CACNA2D3: variants seen among roughly 807,000 people sequenced by gnomAD.
CACNA2D3 encodes voltage-dependent calcium channel subunit alpha-2/delta-3.
In CACNA2D3, 60 loss-of-function variants were observed where a neutral mutation model predicts 160.6. The ratio of observed to expected loss-of-function variants is 0.37; its 90% confidence interval spans 0.30 to 0.46. The LOEUF (loss-of-function observed/expected upper bound fraction) is 0.46. Among genes scored for constraint, CACNA2D3 ranks in the 20% least tolerant of loss-of-function variants. CACNA2D3 has a pLI of 1.00. For synonymous variants in CACNA2D3, 558 were observed against 492.9 expected (o/e 1.13, Z -1.75); for missense variants, 1,205 against 1,365.0 (o/e 0.88, Z 1.85).
intron 5 of CACNA2D3, among the ~76,000 whole-genome samples, chr3:54,552,396 G>C (rs746948886): frequency 6.6e-6 from 1 of 152,204 alleles, no homozygotes; most frequent in African/African-American, 2.4e-5. Flanking sequence ...TCTGAGCCAC[G>C]TGTTACCCTG....
At chr3:54,588,056 T>TATTC (rs897579795) in intron 9 of CACNA2D3, among the ~76,000 whole-genome samples, 2 of 152,162 alleles carry the variant, frequency 1.3e-5, no homozygotes, top group African/African-American at 4.8e-5. Context: ...CATGCAAGAA[T>TATTC]CCTCAACAAA....
intron 27 of CACNA2D3, among the ~76,000 whole-genome samples, chr3:54,962,524 G>C (rs761371512): frequency 6.6e-6 from 1 of 152,160 alleles, no homozygotes; most frequent in African/African-American, 2.4e-5. Context: ...TTTAATACCC[G>C]TGATTTTATT....
intron 11 of CACNA2D3, among the ~76,000 whole-genome samples, chr3:54,737,433 C>A (rs183681243): frequency 2.0e-5 from 3 of 152,156 alleles, no homozygotes; most frequent in Admixed American, 2.0e-4. Flanking sequence ...TAGTGCAGAG[C>A]AGGCAGGTGG....
At chr3:54,691,029 T>G (rs1335575753) in intron 11 of CACNA2D3, among the ~76,000 whole-genome samples, 5 of 152,136 alleles carry the variant, frequency 3.3e-5, no homozygotes, top group African/African-American at 7.2e-5. Flanking sequence ...TTTCTCTGAT[T>G]GTGTGTGCGT....
At chr3:54,486,972 C>T (rs535421271) in intron 4 of CACNA2D3, among the ~76,000 whole-genome samples, 3 of 152,304 alleles carry the variant, frequency 2.0e-5, no homozygotes, top group South Asian at 2.1e-4. Context: ...AGATGAGTGA[C>T]GCACTTCCAT....
intron 2 of CACNA2D3, among the ~76,000 whole-genome samples, chr3:54,248,423 A>G (rs62253164): frequency 4.0e-5 from 6 of 150,708 alleles, no homozygotes. Context: ...GGAGGTTGCA[A>G]TGAGCTGAGA....
intron 9 of CACNA2D3, among the ~76,000 whole-genome samples, chr3:54,613,430 G>C (rs1698784694): frequency 6.6e-6 from 1 of 152,126 alleles, no homozygotes; most frequent in Non-Finnish European, 1.5e-5. Flanking sequence ...TCCATTTCTT[G>C]TGAATTACAG....
intron 14 of CACNA2D3, among the ~76,000 whole-genome samples, chr3:54,832,218 G>C (rs369644765): frequency 5.9e-5 from 9 of 152,166 alleles, no homozygotes; most frequent in African/African-American, 1.9e-4. Flanking sequence ...ATCTCAGGTA[G>C]CCTAGCCTGA....
chr3:54,684,219 C>T (rs1039444088), intron 11 of CACNA2D3, among the ~76,000 whole-genome samples: 5 of 152,084 alleles, frequency 3.3e-5, no homozygotes, highest in African/African-American at 1.2e-4. Flanking sequence ...CTTGGCCTCC[C>T]AAAGTGCTGG....
At chr3:54,716,502 A>G (rs1701052466) in intron 11 of CACNA2D3, among the ~76,000 whole-genome samples, 1 of 152,242 alleles carries the variant, frequency 6.6e-6, no homozygotes, top group Non-Finnish European at 1.5e-5. Context: ...TATTCATCTT[A>G]CACTCAGTAA....
chr3:54,369,657 G>A (rs1225545113), intron 3 of CACNA2D3, among the ~76,000 whole-genome samples: 1 of 152,110 alleles, frequency 6.6e-6, no homozygotes, highest in African/African-American at 2.4e-5. Context: ...ATTCCCCAAG[G>A]GCGTGTCGGC....
At chr3:54,907,466 A>G (rs983198362) in intron 27 of CACNA2D3, among the ~76,000 whole-genome samples, 4 of 152,146 alleles carry the variant, frequency 2.6e-5, no homozygotes, top group African/African-American at 9.7e-5. Flanking sequence ...GTTGAGAGAA[A>G]TAAGTTTTTA....
At chr3:54,508,458 G>A (rs962209066) in intron 5 of CACNA2D3, among the ~76,000 whole-genome samples, 1 of 152,192 alleles carries the variant, frequency 6.6e-6, no homozygotes, top group Non-Finnish European at 1.5e-5. Context: ...AAGCTCCAGT[G>A]AGCATATCAG....
At chr3:54,649,517 A>G (rs1699718265) in intron 11 of CACNA2D3, among the ~76,000 whole-genome samples, 1 of 152,210 alleles carries the variant, frequency 6.6e-6, no homozygotes, top group South Asian at 2.1e-4. Context: ...ACAGGAATTT[A>G]TTGCTCACAG....
chr3:54,661,927 C>G (rs1263142129), intron 11 of CACNA2D3, among the ~76,000 whole-genome samples: 1 of 150,638 alleles, frequency 6.6e-6, no homozygotes, highest in African/African-American at 2.5e-5. Flanking sequence ...TGAAATATCC[C>G]CCCTGGATCA....
At chr3:54,815,227 T>A (rs897896038) in intron 13 of CACNA2D3, among the ~76,000 whole-genome samples, 7 of 152,208 alleles carry the variant, frequency 4.6e-5, no homozygotes, top group Admixed American at 1.3e-4. Flanking sequence ...TCCTCATATT[T>A]CCGTCTTCTT....
intron 35 of CACNA2D3, among the ~76,000 whole-genome samples, chr3:55,039,967 TA>T (rs11346405): frequency 0.031 from 4,624 of 150,392 alleles, 218 homozygotes; most frequent in African/African-American, 0.1. Context: ...GGCTGCTGTT[TA>T]AAAAAAAAAT....
At chr3:54,970,445 CTCCCCTCCTCTCCTCCCCTCCGT>C (rs1702244670) in intron 29 of CACNA2D3, among the ~76,000 whole-genome samples, 1 of 99,100 alleles carries the variant, frequency 1.0e-5, no homozygotes, top group Non-Finnish European at 2.2e-5. Flanking sequence ...CTCCCCTCCC[CTCCCCTCCTCTCCTCCCCTCCGT>C]TCCTCACCCC....
chr3:54,933,673 A>G (rs1017342727), intron 27 of CACNA2D3, among the ~76,000 whole-genome samples: 1 of 152,188 alleles, frequency 6.6e-6, no homozygotes. Flanking sequence ...TAAGTTTCAA[A>G]TGACCTGTTT....
Sources: allele counts gnomAD v4.1 joint callset (sites outside exome capture counted in the v4.1 genomes callset), GRCh38; gene constraint gnomAD v4.1.1; transcripts MANE v1.5; gene names NCBI Gene and HGNC (gene_info 2026-07-23, HGNC 2026-07-21).